SLC8A1: variants seen among roughly 807,000 people sequenced by gnomAD.
SLC8A1 encodes the protein sodium/calcium exchanger 1.
Under a neutral mutation model 68.3 loss-of-function variants are expected in SLC8A1, and 18 were observed. The observed-to-expected ratio is 0.26, with a 90% CI of 0.18 to 0.39. The LOEUF is 0.39. Among genes scored for constraint, SLC8A1 ranks in the 10% least tolerant of loss-of-function variants. The pLI is 1.00. For synonymous variants in SLC8A1, 475 were observed against 415.5 expected (o/e 1.14, Z -1.74); for missense variants, 985 against 1,156.7 (o/e 0.85, Z 2.15).
intron 2 of SLC8A1, among the ~76,000 whole-genome samples, chr2:40,425,802 C>G (rs1354212019): frequency 1.3e-5 from 2 of 151,732 alleles, no homozygotes; most frequent in African/African-American, 4.8e-5. Flanking sequence ...AAAAATAATC[C>G]ATAAAAAAAT....
intron 2 of SLC8A1, among the ~76,000 whole-genome samples, chr2:40,344,789 G>A (rs1317922892): frequency 6.6e-6 from 1 of 152,126 alleles, no homozygotes; most frequent in Admixed American, 6.6e-5. Flanking sequence ...CCTGTACCTA[G>A]CAGCATCTGA....
chr2:40,111,772 T>G (rs560886304), exon 8 of SLC8A1: 3 of 152,262 alleles, frequency 2.0e-5, no homozygotes, highest in Admixed American at 1.3e-4. Flanking sequence ...AAAGAGAAAT[T>G]TACTTAAACA....
At chr2:40,261,940 T>G (rs2064764543) in intron 2 of SLC8A1, among the ~76,000 whole-genome samples, 1 of 152,024 alleles carries the variant, frequency 6.6e-6, no homozygotes, top group South Asian at 2.1e-4. Context: ...TGTAAGCTCC[T>G]TGAAGACATG....
intron 2 of SLC8A1, among the ~76,000 whole-genome samples, chr2:40,392,823 T>G (rs1685742180): frequency 6.6e-6 from 1 of 152,130 alleles, no homozygotes; most frequent in Non-Finnish European, 1.5e-5. Flanking sequence ...CATTAATATT[T>G]ACATTAATGT....
intron 2 of SLC8A1, among the ~76,000 whole-genome samples, chr2:40,233,243 C>T (rs1312817195): frequency 2.0e-5 from 3 of 152,208 alleles, no homozygotes; most frequent in African/African-American, 4.8e-5. Flanking sequence ...TATTTCTCCA[C>T]ATCCTCTCCA....
chr2:40,132,518 A>T (rs1376627678), intron 7 of SLC8A1, among the ~76,000 whole-genome samples: 1 of 151,806 alleles, frequency 6.6e-6, no homozygotes, highest in Non-Finnish European at 1.5e-5. Context: ...AAGTTACTTG[A>T]TGGTCCACCG....
Position 40,457,625 on chromosome 2 carries a change from G to C in SLC8A1, c.-24-27321C>G, listed in dbSNP as rs529218445. On this transcript the variant is annotated intron_variant, in intron 1 of 7. Transcript: ENST00000402441. The stretch of plus-strand genomic sequence containing the variant: ...ATGCTCTCGTCTCTTTAAAAATGTA[G>C]ACTCATACAGTGTGACCTAAAGAAT... Among the ~76,000 whole-genome samples the C allele has an allele frequency of 2.9e-3, 446 of 152,234 alleles. 1 individual carries two copies. The highest frequency in any genetic ancestry group is 5.3e-3 in the Non-Finnish European group (361 of 68,020).
At chr2:40,200,239 A>G (rs12477456) in intron 2 of SLC8A1, among the ~76,000 whole-genome samples, 1 of 16,832 alleles carries the variant, frequency 5.9e-5, no homozygotes, top group Non-Finnish European at 1.1e-4. Context: ...TATATATATA[A>G]ATATATATAT....
chr2:40,359,185 A>G lies in SLC8A1; in HGVS notation c.1808+69288T>C, dbSNP rs577463404. Reference sequence around the variant, plus strand: ...TTCAAAATATATGGGCTGTAAATGTAAAATACACACTTTATTTTGAAGACT... The same window carrying G: ...TTCAAAATATATGGGCTGTAAATGTGAAATACACACTTTATTTTGAAGACT... On this transcript the variant is annotated intron_variant, in intron 2 of 7. Transcript: ENST00000406785. 1.4e-3 allele frequency among the ~76,000 whole-genome samples: 209 copies of G among 152,302 alleles called. 2 individuals carry two copies. Among genetic ancestry groups the G allele is most frequent in the African/African-American group, 5.0e-3 (206 of 41,562 alleles).
chr2:40,167,658 G>A (rs932147517), intron 4 of SLC8A1, among the ~76,000 whole-genome samples: 7 of 152,198 alleles, frequency 4.6e-5, no homozygotes, highest in Admixed American at 1.3e-4. Flanking sequence ...ATCCCTTTAT[G>A]TATTCACCTG....
chr2:40,268,478 A>G (rs552407567), intron 2 of SLC8A1, among the ~76,000 whole-genome samples: 1 of 152,316 alleles, frequency 6.6e-6, no homozygotes, highest in African/African-American at 2.4e-5. Context: ...TGTACCAAGC[A>G]CTGGTGGTGC....
At chr2:40,428,409 A>G in intron 2 of SLC8A1, 64 bp downstream of exon 2, 1 of 1,429,436 alleles carries the variant, frequency 7.0e-7, no homozygotes, top group African/African-American at 1.6e-5. Context: ...ACTCACATTC[A>G]TAAACACACT....
intron 2 of SLC8A1, among the ~76,000 whole-genome samples, chr2:40,371,012 G>A (rs901287219): frequency 2.6e-5 from 4 of 151,974 alleles, no homozygotes; most frequent in East Asian, 3.9e-4. Context: ...TTTCTGACTC[G>A]GGGTACCTAA....
At chr2:40,269,949 T>A (rs2065825231) in intron 2 of SLC8A1, among the ~76,000 whole-genome samples, 1 of 152,130 alleles carries the variant, frequency 6.6e-6, no homozygotes. Flanking sequence ...AATGGCATAT[T>A]TTACACTATT....
chr2:40,172,640 A>G (rs1324616225), intron 4 of SLC8A1, among the ~76,000 whole-genome samples: 1 of 152,112 alleles, frequency 6.6e-6, no homozygotes, highest in Non-Finnish European at 1.5e-5. Context: ...CATAGAAGGA[A>G]GGCCCTTAAA....
chr2:40,373,172 G>GCGT (rs1553543841), intron 2 of SLC8A1, among the ~76,000 whole-genome samples: 2,309 of 151,752 alleles, frequency 0.015, 25 homozygotes, highest in Non-Finnish European at 0.022. Context: ...ACCAGGTTTT[G>GCGT]TGTTGTAATA....
At chr2:40,444,112 C>A (rs998331808) in intron 1 of SLC8A1, among the ~76,000 whole-genome samples, 1 of 152,114 alleles carries the variant, frequency 6.6e-6, no homozygotes, top group Non-Finnish European at 1.5e-5. Context: ...TGAGGAAGAA[C>A]TGCTTGAGCC....
rs530745257 is a variant in SLC8A1, at chr2:40,385,637, G to T, written c.1808+42836C>A. On this transcript the variant is annotated intron_variant, in intron 2 of 7. Transcript: ENST00000406785. Reference sequence around the variant, plus strand: ...TAAACTTTGGCAGGCTGAAGCCAAGGAAACTTTTGAACACTTAATATACCA... The same window carrying T: ...TAAACTTTGGCAGGCTGAAGCCAAGTAAACTTTTGAACACTTAATATACCA... 4.4e-4 allele frequency among the ~76,000 whole-genome samples: 66 copies of T among 151,318 alleles called. 1 individual carries two copies. The highest frequency in any genetic ancestry group is 1.4e-3 in the African/African-American group (56 of 40,810).
At chr2:40,341,483 T>C (rs906084636) in intron 2 of SLC8A1, among the ~76,000 whole-genome samples, 1 of 152,200 alleles carries the variant, frequency 6.6e-6, no homozygotes, top group Non-Finnish European at 1.5e-5. Flanking sequence ...CTCTATAAAA[T>C]GAAAGAGTTC....
Sources: gnomAD v4.1 joint callset for allele counts (sites outside exome capture counted in the v4.1 genomes callset) on GRCh38, gnomAD v4.1.1 for gene constraint, MANE v1.5 for transcripts, NCBI Gene and HGNC (gene_info 2026-07-23, HGNC 2026-07-21) for gene names.